The following SEC23IP variants were observed in gnomAD, a reference collection of about 807,000 sequenced individuals.
SEC23IP encodes the protein SEC23 interacting protein.
Under a neutral mutation model 113.4 loss-of-function variants are expected in SEC23IP, and 70 were observed. The ratio of observed to expected loss-of-function variants is 0.62; its 90% CI spans 0.51 to 0.75. SEC23IP has a LOEUF of 0.75. SEC23IP is among the 30% of genes least tolerant of loss of function. The probability of loss-of-function intolerance (pLI) is 0.00; values close to 1 mark genes in which losing one functional copy is unlikely to be tolerated. For missense variants in SEC23IP, 1,160 were observed against 1,204.9 expected (o/e 0.96, Z 0.55); for synonymous variants, 398 against 421.0 (o/e 0.95, Z 0.67).
At chr10:119,897,036 C>G (rs955422946) in intron 1 of SEC23IP, among the ~76,000 whole-genome samples, 4 of 152,330 alleles carry the variant, frequency 2.6e-5, no homozygotes, top group Non-Finnish European at 2.9e-5. Flanking sequence ...TCAAGAAGCT[C>G]AAGCCCTAGT....
intron 12 of SEC23IP, among the ~76,000 whole-genome samples, chr10:119,922,822 A>C (rs1855290984): frequency 6.6e-6 from 1 of 152,128 alleles, no homozygotes; most frequent in South Asian, 2.1e-4. Flanking sequence ...AGAGCTTTTC[A>C]TCTCACCTGA....
intron 8 of SEC23IP, among the ~76,000 whole-genome samples, chr10:119,916,905 C>T (rs1034384104): frequency 3.3e-5 from 5 of 152,180 alleles, no homozygotes; most frequent in African/African-American, 1.2e-4. Flanking sequence ...ATCTCACTGT[C>T]ACCCAGGCTC....
Position 119,892,736 on chromosome 10 carries a change from G to A in SEC23IP, c.-47G>A, listed in dbSNP as rs1175891800. The A allele has an allele frequency of 1.9e-6, 3 of 1,554,438 alleles. No homozygotes were observed. Among genetic ancestry groups the A allele is most frequent in the Non-Finnish European group, 2.6e-6 (3 of 1,148,260 alleles). On this transcript the variant is annotated 5_prime_UTR_variant, in exon 1 of 19. The change creates a new upstream start codon in the 5' untranslated region. Coordinates refer to ENST00000369075, the MANE Select transcript of SEC23IP (RefSeq NM_007190.4). ...GCGTGATCGGTTTCCGGTCAGTGGTGTGGTACCGGGTACCCGGAGACGTGT... is the reference window on the plus strand; with the variant it reads ...GCGTGATCGGTTTCCGGTCAGTGGTATGGTACCGGGTACCCGGAGACGTGT...
chr10:119,922,394 T>C (rs1164107961), intron 12 of SEC23IP, among the ~76,000 whole-genome samples: 1 of 152,156 alleles, frequency 6.6e-6, no homozygotes, highest in Non-Finnish European at 1.5e-5. Context: ...TTTTCAAACA[T>C]GTTCTTATGG....
chr10:119,911,030 A>ATATAT (rs1462102666), intron 5 of SEC23IP, among the ~76,000 whole-genome samples: 1 of 148,596 alleles, frequency 6.7e-6, no homozygotes, highest in Non-Finnish European at 1.5e-5. Flanking sequence ...TACATCAAGT[A>ATATAT]TATATTCTTT....
At chr10:119,921,200 G>T (rs1455803778) in intron 12 of SEC23IP, among the ~76,000 whole-genome samples, 4 of 152,188 alleles carry the variant, frequency 2.6e-5, no homozygotes, top group Non-Finnish European at 4.4e-5. Context: ...CTGGGACTAA[G>T]TTCCTAGGAT....
At chr10:119,893,009 G>A in intron 1 of SEC23IP, 64 bp downstream of exon 1, 2 of 1,535,262 alleles carry the variant, frequency 1.3e-6, no homozygotes, top group East Asian at 2.3e-5. Context: ...AATGACAAAG[G>A]TCAGACGGGA....
At chr10:119,927,489 T>C (rs1294965379) in intron 13 of SEC23IP, among the ~76,000 whole-genome samples, 1 of 152,202 alleles carries the variant, frequency 6.6e-6, no homozygotes, top group Non-Finnish European at 1.5e-5. Context: ...TTGGCAGTTA[T>C]AGGTTTATAG....
intron 5 of SEC23IP, 55 bp from the exon 6 acceptor site, chr10:119,911,989 G>T: frequency 6.2e-7 from 1 of 1,606,536 alleles, no homozygotes; most frequent in South Asian, 1.1e-5. Context: ...TACTTAGCCT[G>T]TAGTGGAAAA....
At position 119,940,660 on chromosome 10, in the gene SEC23IP, G is replaced by A. The variant is rs988722349; in HGVS notation, c.*95G>A. The A allele has an allele frequency of 6.6e-6, 1 of 150,998 alleles. No homozygotes were observed. Among genetic ancestry groups the A allele is most frequent in the Non-Finnish European group, 1.5e-5 (1 of 67,898 alleles). The allele number at this position is 150,998 out of a possible 1,614,324, so 9.4% of individuals were successfully genotyped here. A position where few individuals can be genotyped will look rare whatever the true frequency, so the allele number is the denominator to read the frequency against. ...AATCCTCAGAGGACTTTCCCACTTC[G>A]CTCCTGTGATGGATGACAGAAGAGT... On this transcript the variant is annotated 3_prime_UTR_variant, in exon 19 of 19. Transcript: ENST00000369075.
At chr10:119,935,112 A>G in intron 18 of SEC23IP, among the ~76,000 whole-genome samples, 1 of 152,234 alleles carries the variant, frequency 6.6e-6, no homozygotes, top group East Asian at 1.9e-4. Context: ...CGTTTTGTGT[A>G]TCCTTCCAGA....
chr10:119,922,045 G>C (rs1855266526), intron 12 of SEC23IP, among the ~76,000 whole-genome samples: 1 of 152,156 alleles, frequency 6.6e-6, no homozygotes, highest in African/African-American at 2.4e-5. Context: ...TTGGGAGCCG[G>C]AGATTAACCA....
chr10:119,895,334 T>C (rs1472738456), intron 1 of SEC23IP, among the ~76,000 whole-genome samples: 1 of 152,144 alleles, frequency 6.6e-6, no homozygotes, highest in African/African-American at 2.4e-5. Context: ...TGAGGTCATG[T>C]CACTGCACAC....
chr10:119,908,061 T>C (rs1854737003), intron 4 of SEC23IP, among the ~76,000 whole-genome samples: 1 of 152,222 alleles, frequency 6.6e-6, no homozygotes, highest in African/African-American at 2.4e-5. Flanking sequence ...AGGATGTATG[T>C]AGGTTTTATG....
chr10:119,931,709 C>T (rs530964803), intron 15 of SEC23IP, among the ~76,000 whole-genome samples: 28 of 151,930 alleles, frequency 1.8e-4, no homozygotes, highest in African/African-American at 6.5e-4. Context: ...CCTGCCACCA[C>T]GCCCGGCTAA....
intron 5 of SEC23IP, among the ~76,000 whole-genome samples, chr10:119,911,786 C>T (rs1276861100): frequency 6.6e-6 from 1 of 151,980 alleles, no homozygotes; most frequent in Non-Finnish European, 1.5e-5. Context: ...ATGTTATTAG[C>T]TTTTAAATCA....
At position 119,932,306 on chromosome 10, in the gene SEC23IP, C is replaced by A. The variant is rs1564925246; in HGVS notation, c.2746C>A (p.Gln916Lys). Residue 916 changes from glutamine to lysine, a missense_variant, in exon 16 of 19, where the codon CAA becomes AAA. By Grantham distance (53) the Gln-to-Lys change is moderately conservative. Coordinates refer to ENST00000369075, the MANE Select transcript of SEC23IP (RefSeq NM_007190.4). ...ANQIKEEEEK[Q>K]VVEAEKVVES... ...TCAGATCAAAGAAGAAGAAGAAAAG[C>A]AAGTAGTTGAAGGTAAATTTGACAT... 1 of 1,609,942 alleles carries A rather than the reference C, an allele frequency of 6.2e-7. No homozygotes were observed. The highest frequency in any genetic ancestry group is 8.5e-7 in the Non-Finnish European group (1 of 1,177,738).
intron 3 of SEC23IP, 44 bp downstream of exon 3, chr10:119,903,053 G>C (rs765903783): frequency 6.3e-6 from 9 of 1,437,042 alleles, no homozygotes; most frequent in Non-Finnish European, 9.7e-7. Context: ...TTTAGGAAGA[G>C]AAGGAATGAG....
chr10:119,904,319 T>A lies in SEC23IP; in HGVS notation c.1101+42T>A, dbSNP rs546013902. ...TCTTTATGAGTTTCTTTAAAAAATG[T>A]AGGTCCTATATACATTGGTGAGTAA... On this transcript the variant is annotated intron_variant, in intron 4 of 18. Coordinates refer to ENST00000369075, the MANE Select transcript of SEC23IP (RefSeq NM_007190.4). The A allele has an allele frequency of 7.7e-6, 12 of 1,551,692 alleles. No individual in the cohort carries two copies. The African/African-American group carries it at 8.1e-5, about 11-fold the overall frequency.
Sources: allele counts gnomAD v4.1 joint callset (sites outside exome capture counted in the v4.1 genomes callset), GRCh38; gene constraint gnomAD v4.1.1; transcripts MANE v1.5; gene names NCBI Gene and HGNC (gene_info 2026-07-23, HGNC 2026-07-21).